ULK4: variants seen among roughly 807,000 people sequenced by gnomAD.
ULK4 encodes the protein unc-51 like kinase 4.
ULK4 carries 133 observed loss-of-function variants against 160.6 expected under a neutral mutation model. The ratio of observed to expected loss-of-function variants is 0.83; its 90% CI spans 0.72 to 0.96. ULK4 has a LOEUF of 0.96. Ranked by LOEUF, ULK4 falls within the 40% of genes least tolerant of loss-of-function variation. ULK4 has a pLI of 0.00. For synonymous variants in ULK4, 534 were observed against 539.8 expected, an observed-to-expected ratio of 0.99 and a Z score of 0.15; for missense variants, 1,580 against 1,499.5, an observed-to-expected ratio of 1.05 and a Z score of -0.89.
intron 22 of ULK4, among the ~76,000 whole-genome samples, chr3:41,740,581 T>A (rs1164851984): frequency 1.3e-5 from 2 of 151,980 alleles, no homozygotes; most frequent in Non-Finnish European, 2.9e-5. Flanking sequence ...TGTCTCATGC[T>A]AGACAGATTT....
intron 20 of ULK4, among the ~76,000 whole-genome samples, chr3:41,795,094 C>A (rs960630570): frequency 4.6e-5 from 7 of 152,066 alleles, no homozygotes; most frequent in East Asian, 1.9e-4. Flanking sequence ...AGGTAAATAG[C>A]GAAAAAGACC....
intron 19 of ULK4, among the ~76,000 whole-genome samples, chr3:41,810,304 A>G (rs1412014181): frequency 2.0e-5 from 3 of 152,210 alleles, no homozygotes; most frequent in Non-Finnish European, 4.4e-5. Flanking sequence ...GTGAAAGCCC[A>G]TTAGTTTTGA....
intron 30 of ULK4, among the ~76,000 whole-genome samples, chr3:41,630,176 C>T (rs1414432791): frequency 6.6e-6 from 1 of 152,200 alleles, no homozygotes; most frequent in East Asian, 1.9e-4. Context: ...CAATGTCCTA[C>T]AGGTCAGAAG....
intron 17 of ULK4, among the ~76,000 whole-genome samples, chr3:41,872,906 G>A (rs531293181): frequency 6.7e-6 from 1 of 149,984 alleles, no homozygotes; most frequent in East Asian, 1.9e-4. Context: ...TGTAATCCCA[G>A]CAATTTGGGA....
At chr3:41,883,237 A>C (rs999426425) in intron 17 of ULK4, among the ~76,000 whole-genome samples, 2 of 152,112 alleles carry the variant, frequency 1.3e-5, no homozygotes, top group African/African-American at 2.4e-5. Flanking sequence ...ACAGTGGACA[A>C]GACAGACATA....
chr3:41,919,945 T>C (rs1044559307), intron 5 of ULK4, 127 bp from the exon 6 acceptor site: 1 of 525,204 alleles, frequency 1.9e-6, no homozygotes, highest in Non-Finnish European at 3.4e-6. Context: ...TAAAACTTCA[T>C]GTGCATTTCA....
intron 17 of ULK4, among the ~76,000 whole-genome samples, chr3:41,865,252 C>T (rs969057993): frequency 9.2e-6 from 1 of 108,934 alleles, no homozygotes; most frequent in Non-Finnish European, 1.7e-5. Context: ...GCCTGGGCAA[C>T]AGAGCAAGAC....
chr3:41,334,335 G>A (rs927035574), intron 35 of ULK4, among the ~76,000 whole-genome samples: 3 of 152,080 alleles, frequency 2.0e-5, no homozygotes, highest in Non-Finnish European at 2.9e-5. Context: ...TTAGTCACTC[G>A]TATTGGTTGT....
intron 34 of ULK4, among the ~76,000 whole-genome samples, chr3:41,451,413 C>G (rs930924544): frequency 6.6e-6 from 1 of 151,444 alleles, no homozygotes; most frequent in Non-Finnish European, 1.5e-5. Context: ...ACTATTCCAA[C>G]AAATCATAGC....
chr3:41,935,389 G>A (rs1447779165), intron 4 of ULK4, among the ~76,000 whole-genome samples: 1 of 151,842 alleles, frequency 6.6e-6, no homozygotes, highest in Non-Finnish European at 1.5e-5. Context: ...ACCACGCCCA[G>A]CTAAATTTGT....
At chr3:41,591,827 T>C (rs2125646497) in intron 31 of ULK4, among the ~76,000 whole-genome samples, 1 of 152,328 alleles carries the variant, frequency 6.6e-6, no homozygotes, top group African/African-American at 2.4e-5. Context: ...ATGTGAGCTA[T>C]TAAAATGGTC....
intron 32 of ULK4, among the ~76,000 whole-genome samples, chr3:41,520,741 A>G (rs142747517): frequency 2.6e-5 from 4 of 152,342 alleles, no homozygotes; most frequent in African/African-American, 7.2e-5. Context: ...TTGTTTCAAT[A>G]ATAGTTATAC....
chr3:41,292,190 A>C (rs1022874950), intron 35 of ULK4, among the ~76,000 whole-genome samples: 5 of 152,246 alleles, frequency 3.3e-5, no homozygotes, highest in African/African-American at 9.6e-5. Flanking sequence ...ATAAATAATA[A>C]TAACAATGGC....
chr3:41,697,072 A>G (rs2036527359), intron 27 of ULK4, among the ~76,000 whole-genome samples: 1 of 152,222 alleles, frequency 6.6e-6, no homozygotes, highest in Non-Finnish European at 1.5e-5. Flanking sequence ...GAACTGTAAG[A>G]TAATAAATTT....
At chr3:41,484,755 G>A (rs1167000532) in intron 32 of ULK4, among the ~76,000 whole-genome samples, 2 of 151,996 alleles carry the variant, frequency 1.3e-5, no homozygotes, top group East Asian at 3.9e-4. Context: ...CCCGGCCCGA[G>A]TGACCTTTTT....
At chr3:41,770,115 T>C (rs940273729) in intron 21 of ULK4, among the ~76,000 whole-genome samples, 1 of 152,192 alleles carries the variant, frequency 6.6e-6, no homozygotes, top group African/African-American at 2.4e-5. Flanking sequence ...ACTAAAAATA[T>C]CACAATATAC....
chr3:41,254,496 G>A (rs1484541221), intron 35 of ULK4, among the ~76,000 whole-genome samples: 1 of 152,200 alleles, frequency 6.6e-6, no homozygotes, highest in Non-Finnish European at 1.5e-5. Flanking sequence ...CTAAAGCAAT[G>A]CTTAGAGGGA....
intron 35 of ULK4, among the ~76,000 whole-genome samples, chr3:41,334,534 A>G (rs1244199535): frequency 6.6e-6 from 1 of 152,140 alleles, no homozygotes; most frequent in Non-Finnish European, 1.5e-5. Context: ...CATGCCCATA[A>G]ATATATATAA....
chr3:41,839,513 A>G (rs1387167336), intron 17 of ULK4, among the ~76,000 whole-genome samples: 1 of 151,048 alleles, frequency 6.6e-6, no homozygotes, highest in African/African-American at 2.4e-5. Context: ...AAAACTATAT[A>G]GAAAATGAGC....
Sources: allele counts gnomAD v4.1 joint callset (sites outside exome capture counted in the v4.1 genomes callset), GRCh38; gene constraint gnomAD v4.1.1; transcripts MANE v1.5; gene names NCBI Gene and HGNC (gene_info 2026-07-23, HGNC 2026-07-21).